Variants in ADAM10 observed in about 807,000 individuals in gnomAD.
The protein encoded by ADAM10 is disintegrin and metalloproteinase domain-containing protein 10.
Under a neutral mutation model 90.1 loss-of-function variants are expected in ADAM10, and 17 were observed. The ratio of observed to expected loss-of-function variants is 0.19; its 90% CI spans 0.13 to 0.28. The LOEUF is 0.28. ADAM10 is among the 10% of genes least tolerant of loss of function. The pLI, the probability that ADAM10 is intolerant of heterozygous loss-of-function variation, is 1.00. For missense variants in ADAM10, 610 were observed against 914.3 expected (o/e 0.67, Z 4.29); for synonymous variants, 310 against 298.6 (o/e 1.04, Z -0.40).
intron 9 of ADAM10, among the ~76,000 whole-genome samples, chr15:58,631,204 T>G (rs186211718): frequency 6.6e-6 from 1 of 152,206 alleles, no homozygotes; most frequent in East Asian, 1.9e-4. Flanking sequence ...TACAGAATCA[T>G]GAGCCAAATA....
At chr15:58,675,839 A>C (rs2140745697) in intron 4 of ADAM10, among the ~76,000 whole-genome samples, 1 of 152,298 alleles carries the variant, frequency 6.6e-6, no homozygotes, top group Middle Eastern at 3.4e-3. Flanking sequence ...AGGGTAGCCA[A>C]ATTCTCATCA....
At chr15:58,619,724 G>A (rs1895724044) in intron 11 of ADAM10, among the ~76,000 whole-genome samples, 1 of 152,044 alleles carries the variant, frequency 6.6e-6, no homozygotes, top group Non-Finnish European at 1.5e-5. Context: ...CTAACAAGGT[G>A]AAAGCCCATC....
Position 58,589,084 on chromosome 15 carries a change from C to T in ADAM10, c.*8463G>A, listed in dbSNP as rs1344212358. 1 of 152,192 alleles carries T rather than the reference C, an allele frequency of 6.6e-6. No individual in the cohort carries two copies. 9.4% of individuals were successfully genotyped at this position (152,192 alleles called of 1,614,324 possible). On this transcript the variant is annotated 3_prime_UTR_variant, in exon 16 of 16. Coordinates refer to ENST00000260408, the MANE Select transcript of ADAM10 (RefSeq NM_001110.4). ...CTGTTGGTAATGTGTTGTAATGAAA[C>T]TAACTTTTGTGCCTATCTTGTGAAA...
At chr15:58,707,147 C>T (rs1443017753) in intron 2 of ADAM10, among the ~76,000 whole-genome samples, 1 of 151,330 alleles carries the variant, frequency 6.6e-6, no homozygotes, top group Admixed American at 6.6e-5. Context: ...CTCTGAGAGG[C>T]TAAGGCCAGT....
intron 4 of ADAM10, among the ~76,000 whole-genome samples, chr15:58,670,077 C>T (rs1207217947): frequency 6.6e-6 from 1 of 151,738 alleles, no homozygotes; most frequent in Admixed American, 6.6e-5. Flanking sequence ...ATATTATAAA[C>T]TTTATATATA....
chr15:58,748,832 G>C, intron 1 of ADAM10: 1 of 398,090 alleles, frequency 2.5e-6, no homozygotes, highest in East Asian at 3.6e-5. Context: ...GACACAGGAA[G>C]AACCGAGGCC....
rs1274375959 is a variant in ADAM10 at position 58,591,215 on chromosome 15, T to C, written c.*6332A>G. 6.6e-6 allele frequency: 1 copy of C among 152,214 alleles called. No individual in the cohort carries two copies. The highest frequency in any genetic ancestry group is 1.5e-5 in the Non-Finnish European group (1 of 68,028). 9.4% of individuals were successfully genotyped at this position (152,214 alleles called of 1,614,324 possible). On this transcript the variant is annotated 3_prime_UTR_variant, in exon 16 of 16. Transcript: ENST00000260408. Reference sequence around the variant, plus strand: ...CTTGCTAAGATTGCTGGATGACTGATAGCTTCAAGAGTTCACCCTAGCAGT... The same window carrying C: ...CTTGCTAAGATTGCTGGATGACTGACAGCTTCAAGAGTTCACCCTAGCAGT...
chr15:58,660,599 C>A (rs1183069207), intron 5 of ADAM10, among the ~76,000 whole-genome samples: 1 of 152,154 alleles, frequency 6.6e-6, no homozygotes, highest in Non-Finnish European at 1.5e-5. Context: ...ATGCAGTCAT[C>A]AATATGGTTA....
intron 1 of ADAM10, among the ~76,000 whole-genome samples, chr15:58,721,364 T>C (rs1215598374): frequency 1.3e-5 from 2 of 152,218 alleles, no homozygotes; most frequent in African/African-American, 4.8e-5. Context: ...TCATCTTCTA[T>C]ATAAGACCTA....
chr15:58,602,942 A>G (rs1375710284), intron 14 of ADAM10, among the ~76,000 whole-genome samples: 1 of 152,220 alleles, frequency 6.6e-6, no homozygotes, highest in Non-Finnish European at 1.5e-5. Flanking sequence ...CCGAATTTTT[A>G]TTTAAAATCT....
chr15:58,699,930 T>C (rs1252868614), intron 2 of ADAM10, among the ~76,000 whole-genome samples: 1 of 152,084 alleles, frequency 6.6e-6, no homozygotes, highest in Non-Finnish European at 1.5e-5. Flanking sequence ...AAAAGAAACA[T>C]GACTCAGCTA....
intron 10 of ADAM10, among the ~76,000 whole-genome samples, chr15:58,622,499 G>A (rs1426515395): frequency 2.0e-5 from 3 of 152,082 alleles, no homozygotes; most frequent in Non-Finnish European, 4.4e-5. Flanking sequence ...GGGTGATTTT[G>A]TCTATGAAAT....
chr15:58,637,977 G>A (rs1046928682), intron 8 of ADAM10, among the ~76,000 whole-genome samples: 10 of 152,128 alleles, frequency 6.6e-5, no homozygotes, highest in African/African-American at 2.4e-4. Context: ...AGTTCAGCTA[G>A]TAGTAAGTGC....
At position 58,596,575 on chromosome 15, in the gene ADAM10, T is replaced by C. The variant is rs199969973; in HGVS notation, c.*972A>G. ...TCAGACAGAAAACATAATTAGCATA[T>C]TTCAGATATATGAAAAACACAAATA... On this transcript the variant is annotated 3_prime_UTR_variant, in exon 16 of 16. Transcript: ENST00000260408. The C allele has an allele frequency of 6.6e-6, 1 of 152,600 alleles. No homozygotes were observed. Among genetic ancestry groups the C allele is most frequent in the African/African-American group, 2.4e-5 (1 of 41,442 alleles). The allele number at this position is 152,600 out of a possible 1,614,324, so 9.5% of individuals were successfully genotyped here. A position where few individuals can be genotyped will look rare whatever the true frequency, so the allele number is the denominator to read the frequency against.
At chr15:58,685,162 A>T (rs1330675760) in intron 2 of ADAM10, among the ~76,000 whole-genome samples, 1 of 44,742 alleles carries the variant, frequency 2.2e-5, no homozygotes, top group African/African-American at 3.1e-4. Flanking sequence ...ATATTAAGTA[A>T]AAAAAAAAAA....
intron 11 of ADAM10, among the ~76,000 whole-genome samples, chr15:58,612,388 T>C (rs1895464359): frequency 6.6e-6 from 1 of 152,080 alleles, no homozygotes; most frequent in African/African-American, 2.4e-5. Context: ...TGAACTGGGA[T>C]ACTATGCCTA....
chr15:58,702,475 CAT>C (rs1184115195), intron 2 of ADAM10, among the ~76,000 whole-genome samples: 2 of 152,132 alleles, frequency 1.3e-5, no homozygotes, highest in Admixed American at 1.3e-4. Flanking sequence ...GTTCCCAACA[CAT>C]AGAAATAACG....
chr15:58,649,380 A>G (rs1336123543), intron 5 of ADAM10, among the ~76,000 whole-genome samples: 1 of 152,148 alleles, frequency 6.6e-6, no homozygotes, highest in African/African-American at 2.4e-5. Context: ...ACAAGTCTTT[A>G]CTATTAGTGC....
At chr15:58,717,860 CATTAAT>C in intron 1 of ADAM10, 133 bp from the exon 2 acceptor site, 2 of 1,306,614 alleles carry the variant, frequency 1.5e-6, no homozygotes, top group Non-Finnish European at 2.1e-6. Flanking sequence ...ATGAATTCTG[CATTAAT>C]ATTAACACAT....
Sources: gnomAD v4.1 joint callset for allele counts (sites outside exome capture counted in the v4.1 genomes callset) on GRCh38, gnomAD v4.1.1 for gene constraint, MANE v1.5 for transcripts, NCBI Gene and HGNC (gene_info 2026-07-23, HGNC 2026-07-21) for gene names.